The following CAMTA1 variants were observed in gnomAD, a reference collection of about 807,000 sequenced individuals.
CAMTA1 encodes calmodulin-binding transcription activator 1.
A neutral mutation model predicts 170.9 loss-of-function variants in CAMTA1; 27 were observed. The ratio of observed to expected loss-of-function variants is 0.16; its 90% CI spans 0.12 to 0.22. The LOEUF is 0.22. Among genes scored for constraint, CAMTA1 ranks in the 10% least tolerant of loss-of-function variants. The pLI, the probability that CAMTA1 is intolerant of heterozygous loss-of-function variation, is 1.00. For synonymous variants in CAMTA1, 833 were observed against 891.5 expected (o/e 0.93, Z 1.17); for missense variants, 1,619 against 2,217.2 (o/e 0.73, Z 5.42).
intron 6 of CAMTA1, among the ~76,000 whole-genome samples, chr1:7,556,174 C>T (rs948168962): frequency 3.3e-5 from 5 of 152,056 alleles, no homozygotes; most frequent in Admixed American, 6.5e-5. Context: ...GGGCTCTGGG[C>T]GGAGAGGCTG....
intron 5 of CAMTA1, among the ~76,000 whole-genome samples, chr1:7,454,374 C>G (rs1363616819): frequency 6.6e-6 from 1 of 152,222 alleles, no homozygotes; most frequent in East Asian, 1.9e-4. Flanking sequence ...TATCGAAGAC[C>G]TTTTATGTGC....
intron 5 of CAMTA1, among the ~76,000 whole-genome samples, chr1:7,351,324 G>A (rs962332433): frequency 6.6e-6 from 1 of 152,250 alleles, no homozygotes; most frequent in Non-Finnish European, 1.5e-5. Flanking sequence ...AAATAGCCAG[G>A]TAGGAACTTC....
intron 3 of CAMTA1, among the ~76,000 whole-genome samples, chr1:7,018,438 T>C (rs961362390): frequency 3.3e-5 from 5 of 152,120 alleles, no homozygotes; most frequent in African/African-American, 7.2e-5. Context: ...TTTGCCATCA[T>C]CTTTACCCCC....
rs1243666521 is a variant in CAMTA1 at position 6,918,055 on chromosome 1, C to T, written c.234+92845C>T. 6.6e-6 allele frequency among the ~76,000 whole-genome samples: 1 copy of T among 152,110 alleles called. No homozygotes were observed. Among genetic ancestry groups the T allele is most frequent in the Non-Finnish European group, 1.5e-5 (1 of 68,024 alleles). On this transcript the variant is annotated intron_variant, in intron 3 of 22. Coordinates refer to ENST00000303635, the MANE Select transcript of CAMTA1 (RefSeq NM_015215.4). This position sits in a 1 kb window ranked among gnomAD's most constrained non-coding sequence, Gnocchi z 4.0. ...TCACATCTAGAAGGCCCCAAATGCC[C>T]AAGTTCTTGGGCCTTGCTTGCTTGT...
Position 7,562,453 on chromosome 1 carries a change from G to A in CAMTA1, c.511-77947G>A, listed in dbSNP as rs2094970587. Among the ~76,000 whole-genome samples, 1 of 152,108 alleles carries A rather than the reference G, an allele frequency of 6.6e-6. No individual in the cohort carries two copies. ...GCTGCGATGCTGGAACTTCTGCCTG[G>A]CTCTCCGCATTCTTCCCCCAGGCTG... On this transcript the variant is annotated intron_variant, in intron 6 of 22. Coordinates refer to ENST00000303635, the MANE Select transcript of CAMTA1 (RefSeq NM_015215.4). This position sits in a 1 kb window ranked among gnomAD's most constrained non-coding sequence, Gnocchi z 4.8.
At chr1:6,920,922 G>A (rs564844437) in intron 3 of CAMTA1, among the ~76,000 whole-genome samples, 2 of 152,336 alleles carry the variant, frequency 1.3e-5, no homozygotes, top group East Asian at 1.9e-4. Context: ...CTGGGCCTGT[G>A]ATGGAAGAGG....
intron 19 of CAMTA1, 139 bp downstream of exon 19, chr1:7,747,920 A>G (rs12736558): frequency 8.8e-6 from 3 of 339,036 alleles, no homozygotes; most frequent in Non-Finnish European, 1.6e-5. Flanking sequence ...TTTTTTTTTT[A>G]TTTTTTTTTT....
rs777391693 is a variant in CAMTA1, at chr1:7,663,701, C to T, written c.1154C>T (p.Ala385Val). 22 of 1,613,974 alleles carry T rather than the reference C, an allele frequency of 1.4e-5. No individual in the cohort carries two copies. The highest frequency in any genetic ancestry group is 1.8e-5 in the Non-Finnish European group (21 of 1,180,046). The stretch of plus-strand genomic sequence containing the variant: ...GTGGTCACAGGTGTGTCCGGTATGG[C>T]GGTGGCCTCTGTGATGGGGAGCTTG... ...SPVVTGVSGM[A>V]VASVMGSLSQ... The change falls in exon 9 of 23, where the codon GCG becomes GTG. Residue 385 changes from alanine (A) to valine (V), a missense_variant. Physicochemically the swap from Ala to Val is moderately conservative, Grantham distance 64. Coordinates refer to ENST00000303635, the MANE Select transcript of CAMTA1 (RefSeq NM_015215.4).
intron 1 of CAMTA1, among the ~76,000 whole-genome samples, chr1:6,793,952 A>T (rs1380251903): frequency 6.6e-6 from 1 of 152,216 alleles, no homozygotes. Flanking sequence ...TTTGGGAGTG[A>T]TAATAAGAAA....
At chr1:7,422,669 A>G (rs2091641745) in intron 5 of CAMTA1, among the ~76,000 whole-genome samples, 2 of 152,318 alleles carry the variant, frequency 1.3e-5, no homozygotes, top group South Asian at 2.1e-4. Flanking sequence ...ACCAAGGCCA[A>G]GCAGCCCACA....
At position 7,665,191 on chromosome 1, in the gene CAMTA1, T is replaced by G; in HGVS notation, c.2644T>G (p.Tyr882Asp). The change falls in exon 9 of 23, where the codon TAC becomes GAC. Residue 882 changes from tyrosine to aspartate, a missense_variant. Physicochemically the swap from Tyr to Asp is radical, Grantham distance 160 (BLOSUM62 -3). Coordinates refer to ENST00000303635, the MANE Select transcript of CAMTA1 (RefSeq NM_015215.4). This position sits in a 1 kb window ranked among gnomAD's most constrained non-coding sequence, Gnocchi z 4.3. ...GACCGACTACTCCCCAGAGTGGTCTTACCCAGAGGTAAGCTGCCGCCGCTG... is the reference window on the plus strand; with the variant it reads ...GACCGACTACTCCCCAGAGTGGTCTGACCCAGAGGTAAGCTGCCGCCGCTG... Reference protein sequence around the residue: ...MVTDYSPEWSYPEGGVKVLIT... With the variant: ...MVTDYSPEWSDPEGGVKVLIT... 6.9e-7 allele frequency: 1 copy of G among 1,454,720 alleles called. No homozygotes were observed. Among genetic ancestry groups the G allele is most frequent in the Non-Finnish European group, 9.0e-7 (1 of 1,108,048 alleles). The allele number at this position is 1,454,720 out of a possible 1,614,324, so 90.1% of individuals were successfully genotyped here.
chr1:7,574,884 G>A (rs1384455062), intron 6 of CAMTA1, among the ~76,000 whole-genome samples: 3 of 152,224 alleles, frequency 2.0e-5, no homozygotes, highest in African/African-American at 7.2e-5. Flanking sequence ...CTTACTGAGA[G>A]GTCCGTGCCC....
chr1:7,118,834 AAC>A (rs1380500138), intron 4 of CAMTA1, among the ~76,000 whole-genome samples: 1 of 152,166 alleles, frequency 6.6e-6, no homozygotes, highest in African/African-American at 2.4e-5. Context: ...AAGGGAGGGA[AAC>A]ACAACGGGAA....
At chr1:6,811,250 C>G (rs951420071) in intron 1 of CAMTA1, among the ~76,000 whole-genome samples, 4 of 152,152 alleles carry the variant, frequency 2.6e-5, no homozygotes, top group African/African-American at 7.2e-5. Flanking sequence ...TTATAGACTA[C>G]AAAGTAATAT....
chr1:6,993,859 A>G (rs917032792), intron 3 of CAMTA1, among the ~76,000 whole-genome samples: 1 of 152,218 alleles, frequency 6.6e-6, no homozygotes, highest in Admixed American at 6.5e-5. Context: ...AATTATTGAT[A>G]TGTTTGGATT....
At chr1:6,977,012 G>A (rs1285324025) in intron 3 of CAMTA1, among the ~76,000 whole-genome samples, 2 of 152,164 alleles carry the variant, frequency 1.3e-5, no homozygotes, top group East Asian at 3.8e-4. Context: ...CACCATGATT[G>A]TGAGGCCTCC....
chr1:7,246,123 C>T (rs374309348), intron 4 of CAMTA1, among the ~76,000 whole-genome samples: 30 of 152,300 alleles, frequency 2.0e-4, no homozygotes, highest in Non-Finnish European at 4.1e-4. Context: ...TGGAGCAGAA[C>T]GGAGACTGGC....
At position 7,736,546 on chromosome 1, in the gene CAMTA1, G is replaced by A. The variant is rs1338072360; in HGVS notation, c.3263+6G>A. ...CAGACCCTCATCAAATGGCGGTAAG[G>A]CTGTGGTGCAGCTGGCTGGGGGTCA... On this transcript the variant is annotated splice_donor_region_variant and intron_variant, in intron 13 of 22. Coordinates refer to ENST00000303635, the MANE Select transcript of CAMTA1 (RefSeq NM_015215.4). The surrounding 1 kb of genome is among the most constrained non-coding windows in gnomAD (Gnocchi z 4.5). 2 of 1,613,300 alleles carry A rather than the reference G, an allele frequency of 1.2e-6. No individual in the cohort carries two copies. Among genetic ancestry groups the A allele is most frequent in the Non-Finnish European group, 8.5e-7 (1 of 1,179,334 alleles).
rs867223805 is a variant in CAMTA1 at position 7,683,766 on chromosome 1, C to T, written c.2914+6033C>T. On this transcript the variant is annotated intron_variant, in intron 11 of 22. Transcript: ENST00000303635. ...AAAGCACAGGGCCCTCCTCGTAACC[C>T]GTCTCTCGCTGTCTGTGGGGCCTCC... is the stretch of plus-strand genomic sequence containing the variant. Among the ~76,000 whole-genome samples the T allele has an allele frequency of 6.6e-5, 10 of 152,352 alleles. 1 individual carries two copies. The Middle Eastern group carries it at 0.017, about 259-fold the overall frequency.
Sources: gnomAD v4.1 joint callset for allele counts (sites outside exome capture counted in the v4.1 genomes callset) on GRCh38, gnomAD v4.1.1 for gene constraint, Gnocchi (gnomAD v3.1) non-coding constraint, MANE v1.5 for transcripts, NCBI Gene and HGNC (gene_info 2026-07-23, HGNC 2026-07-21) for gene names.